The following SOX6 variants were observed in gnomAD, a reference collection of about 807,000 sequenced individuals.
SOX6 encodes the protein SRY-box transcription factor 6, also known as transcription factor SOX-6.
SOX6 carries 11 observed loss-of-function variants against 97.8 expected under a neutral mutation model. That is an observed-to-expected ratio of 0.11 (90% confidence interval 0.07 to 0.19). The LOEUF (loss-of-function observed/expected upper bound fraction) is 0.19, where lower values mean the gene tolerates loss of function less well. Ranked by LOEUF, SOX6 falls within the 10% of genes least tolerant of loss-of-function variation. The pLI, the probability that SOX6 is intolerant of heterozygous loss-of-function variation, is 1.00. For missense variants in SOX6, 810 were observed against 1,039.5 expected, an observed-to-expected ratio of 0.78 and a Z score of 3.04; for synonymous variants, 360 against 371.4, an observed-to-expected ratio of 0.97 and a Z score of 0.35.
chr11:16,040,385 A>G (rs1335398188), intron 12 of SOX6, among the ~76,000 whole-genome samples: 1 of 152,018 alleles, frequency 6.6e-6, no homozygotes, highest in East Asian at 1.9e-4. Context: ...CAGAAAGAAA[A>G]AGAACTTAAT....
chr11:16,402,609 A>T, intron 1 of SOX6: 1 of 1,517,630 alleles, frequency 6.6e-7, no homozygotes, highest in East Asian at 2.3e-5. Context: ...TAATGAAAGC[A>T]GACTGAAGTT....
intron 6 of SOX6, among the ~76,000 whole-genome samples, chr11:16,163,579 C>T (rs1471247431): frequency 6.6e-6 from 1 of 152,178 alleles, no homozygotes; most frequent in Non-Finnish European, 1.5e-5. Context: ...AGAAAACAAA[C>T]TCTTCCCACA....
chr11:16,109,831 C>A (rs909672789), intron 7 of SOX6, among the ~76,000 whole-genome samples: 2 of 151,928 alleles, frequency 1.3e-5, no homozygotes, highest in African/African-American at 4.8e-5. Context: ...TTTTACCAAC[C>A]TTGCTTGTAA....
Position 16,429,655 on chromosome 11 carries a change from A to G in SOX6, c.-5+46660T>C, listed in dbSNP as rs566580266. On this transcript the variant is annotated intron_variant, in intron 1 of 15. Coordinates refer to the SOX6 transcript ENST00000396356. ...AACACATGGACACATAGAGGGGAAC[A>G]ACACACACTGGGGCCTATCAGAGGG... Among the ~76,000 whole-genome samples the G allele has an allele frequency of 2.6e-5, 4 of 152,228 alleles. No individual in the cohort carries two copies. In the East Asian group the frequency reaches 7.7e-4, roughly 29 times the overall value.
chr11:16,544,336 T>C (rs1847589324), intron 4 of SOX6, among the ~76,000 whole-genome samples: 1 of 152,120 alleles, frequency 6.6e-6, no homozygotes, highest in Non-Finnish European at 1.5e-5. Flanking sequence ...CACAGCTCAG[T>C]ACAGCCTCAG....
At chr11:16,094,844 A>T (rs1054421231) in intron 9 of SOX6, among the ~76,000 whole-genome samples, 3 of 151,862 alleles carry the variant, frequency 2.0e-5, no homozygotes, top group Non-Finnish European at 4.4e-5. Flanking sequence ...AAAAGAAAAG[A>T]GGGAGGCAGT....
intron 3 of SOX6, among the ~76,000 whole-genome samples, chr11:16,291,684 A>G (rs902849225): frequency 1.3e-5 from 2 of 152,128 alleles, no homozygotes; most frequent in Non-Finnish European, 2.9e-5. Context: ...CAGGTAAATT[A>G]ATGGCTAAAA....
chr11:16,451,637 T>C (rs11023947), intron 1 of SOX6, among the ~76,000 whole-genome samples: 30,906 of 152,164 alleles, frequency 0.2, 3,383 homozygotes, highest in Admixed American at 0.32. Flanking sequence ...AACCATCCTG[T>C]CAGTGCAGCT....
chr11:16,356,854 A>G (rs1169612215), upstream of SOX6, among the ~76,000 whole-genome samples: 1 of 152,128 alleles, frequency 6.6e-6, no homozygotes, highest in East Asian at 1.9e-4. Context: ...GTCCCCATTA[A>G]AAAAGCCTGC....
chr11:16,081,810 G>T (rs1202017642), intron 9 of SOX6, among the ~76,000 whole-genome samples: 2 of 152,138 alleles, frequency 1.3e-5, no homozygotes, highest in Non-Finnish European at 2.9e-5. Flanking sequence ...ACTCTGCATG[G>T]AAAATATGAG....
intron 3 of SOX6, among the ~76,000 whole-genome samples, chr11:16,702,091 AAAG>A (rs2134042021): frequency 6.6e-6 from 1 of 152,328 alleles, no homozygotes; most frequent in Non-Finnish European, 1.5e-5. Context: ...TTCAGTTCAC[AAAG>A]AAGTACAATT....
At chr11:16,080,942 A>T (rs1848459853) in intron 9 of SOX6, among the ~76,000 whole-genome samples, 1 of 152,080 alleles carries the variant, frequency 6.6e-6, no homozygotes, top group South Asian at 2.1e-4. Context: ...TAAAAAAATT[A>T]GTCAGGCATG....
intron 12 of SOX6, among the ~76,000 whole-genome samples, chr11:16,043,732 T>C (rs1405537376): frequency 6.6e-6 from 1 of 152,040 alleles, no homozygotes; most frequent in African/African-American, 2.4e-5. Flanking sequence ...GCAGCACAGA[T>C]CCCCCCCTGC....
chr11:16,203,310 G>T (rs1851987643), intron 4 of SOX6, among the ~76,000 whole-genome samples: 1 of 133,160 alleles, frequency 7.5e-6, no homozygotes, highest in Non-Finnish European at 1.6e-5. Flanking sequence ...CAAACTCATG[G>T]CAGGGAAAAA....
At chr11:16,484,339 G>A (rs1860395191) in intron 4 of SOX6, 1 of 856,716 alleles carries the variant, frequency 1.2e-6, no homozygotes. Context: ...CAGTTGGCCA[G>A]TGAATAAGGT....
intron 6 of SOX6, among the ~76,000 whole-genome samples, chr11:16,148,449 G>A (rs760293665): frequency 2.0e-5 from 3 of 152,208 alleles, no homozygotes; most frequent in Non-Finnish European, 4.4e-5. Context: ...TTTAAAACAC[G>A]CTCAAATGTC....
chr11:15,979,853 T>A (rs938186524), intron 15 of SOX6, among the ~76,000 whole-genome samples: 8 of 152,092 alleles, frequency 5.3e-5, no homozygotes, highest in Non-Finnish European at 1.2e-4. Flanking sequence ...TTCCTATCCC[T>A]TTCCCTACTT....
intron 2 of SOX6, among the ~76,000 whole-genome samples, chr11:16,325,745 A>G (rs1290146891): frequency 6.6e-6 from 1 of 152,170 alleles, no homozygotes; most frequent in African/African-American, 2.4e-5. Flanking sequence ...TATGGTTTGA[A>G]TGTACGTCCC....
At chr11:16,694,732 C>T (rs887367544) in intron 3 of SOX6, among the ~76,000 whole-genome samples, 16 of 152,070 alleles carry the variant, frequency 1.1e-4, no homozygotes, top group African/African-American at 3.6e-4. Flanking sequence ...CAGCACCTAC[C>T]AAAGTTCATC....
Sources: allele counts gnomAD v4.1 joint callset (sites outside exome capture counted in the v4.1 genomes callset), GRCh38; gene constraint gnomAD v4.1.1; transcripts MANE v1.5; gene names NCBI Gene and HGNC (gene_info 2026-07-23, HGNC 2026-07-21).